The following CELSR3 variants were observed in gnomAD, a reference collection of about 807,000 sequenced individuals.
CELSR3 encodes the protein cadherin EGF LAG seven-pass G-type receptor 3.
A neutral mutation model predicts 270.0 loss-of-function variants in CELSR3; 73 were observed. The observed-to-expected ratio is 0.27, with a 90% CI of 0.22 to 0.33. The LOEUF (loss-of-function observed/expected upper bound fraction) is 0.33, where lower values mean the gene tolerates loss of function less well. Ranked by LOEUF, CELSR3 falls within the 10% of genes least tolerant of loss-of-function variation. The pLI is 1.00. For synonymous variants in CELSR3, 1,780 were observed against 1,905.4 expected (o/e 0.93, Z 1.71); for missense variants, 3,614 against 4,533.8 (o/e 0.80, Z 5.83).
chr3:48,661,593 C>T lies in CELSR3; in HGVS notation c.1042G>A (p.Val348Ile). The change falls in exon 1 of 35, where the codon GTT (valine) becomes ATT (isoleucine). Residue 348 changes from valine to isoleucine, a missense_variant. Val to Ile is a conservative substitution (Grantham distance 29). This residue lies in a region of CELSR3 where 354 missense variants were observed against 500.9 expected (regional missense o/e 0.71). Coordinates refer to ENST00000164024, the MANE Select transcript of CELSR3 (RefSeq NM_001407.3). ...TCGCCGGCGTCCGGGTCCTGAGCAA[C>T]CACGCGTAGCACCGCGGTGCCTGCT... Reference protein sequence around the residue: ...EAAGTAVLRVVAQDPDAGEAG... With the variant: ...EAAGTAVLRVIAQDPDAGEAG... 1 of 1,609,890 alleles carries T rather than the reference C, an allele frequency of 6.2e-7. No individual in the cohort carries two copies. Among genetic ancestry groups the T allele is most frequent in the Non-Finnish European group, 8.5e-7 (1 of 1,179,054 alleles).
chr3:48,648,416 C>T lies in CELSR3; in HGVS notation c.6823G>A (p.Asp2275Asn), dbSNP rs1399505706. The stretch of plus-strand genomic sequence containing the variant: ...CGCTGCCCCAGCGCCGCCCACAAGT[C>T]CCCTGTCTCTGGGGCAAGCAGTGCA... ...GSALLAPETG[D>N]LWAALGQRAP... Residue 2275 changes from aspartate (D) to asparagine (N), a missense_variant, in exon 19 of 35, where the codon GAC becomes AAC. Coordinates refer to ENST00000164024, the MANE Select transcript of CELSR3 (RefSeq NM_001407.3). The T allele has an allele frequency of 6.2e-7, 1 of 1,603,980 alleles. No homozygotes were observed. Among genetic ancestry groups the T allele is most frequent in the Non-Finnish European group, 8.5e-7 (1 of 1,176,392 alleles).
chr3:48,656,576 G>T, intron 2 of CELSR3, 122 bp downstream of exon 2: 2 of 1,323,870 alleles, frequency 1.5e-6, no homozygotes, highest in Non-Finnish European at 2.0e-6. Context: ...ACGGCTTCTG[G>T]CCTAAGCGCG....
chr3:48,651,223 G>A lies in CELSR3; in HGVS notation c.6186+136C>T. On this transcript the variant is annotated intron_variant, in intron 14 of 34. Coordinates refer to ENST00000164024, the MANE Select transcript of CELSR3 (RefSeq NM_001407.3). The surrounding 1 kb of genome is among the most constrained non-coding windows in gnomAD (Gnocchi z 7.4). ...AGCCAAGGGAGGGGTCACGGGTAAA[G>A]GATGAGAGACAGCAACTTGGTCACA... 1 of 1,490,168 alleles carries A rather than the reference G, an allele frequency of 6.7e-7. No homozygotes were observed. The highest frequency in any genetic ancestry group is 9.2e-7 in the Non-Finnish European group (1 of 1,087,796). 92.3% of individuals were successfully genotyped at this position (1,490,168 alleles called of 1,614,324 possible).
chr3:48,648,393 C>T lies in CELSR3; in HGVS notation c.6846G>A (p.Gln2282=). 6.2e-7 allele frequency: 1 copy of T among 1,610,046 alleles called. No homozygotes were observed. The highest frequency in any genetic ancestry group is 8.5e-7 in the Non-Finnish European group (1 of 1,178,906). Residue 2282 remains glutamine, a synonymous_variant, in exon 19 of 35, where the codon CAG becomes CAA. Coordinates refer to ENST00000164024, the MANE Select transcript of CELSR3 (RefSeq NM_001407.3). ...ETGDLWAALG[Q]RAPGGSPGSA... is the part of the protein sequence containing the mutation. ...TGCCTGGGGAGCCCCCAGGGGCCCGCTGCCCCAGCGCCGCCCACAAGTCCC... is the reference window on the plus strand; with the variant it reads ...TGCCTGGGGAGCCCCCAGGGGCCCGTTGCCCCAGCGCCGCCCACAAGTCCC...
rs539050578 is a variant in CELSR3 at position 48,645,546 on chromosome 3, C to T, written c.7694G>A (p.Arg2565His). The change falls in exon 24 of 35, where the codon CGC becomes CAC. Residue 2565 changes from arginine to histidine, a missense_variant. Physicochemically the swap from Arg to His is conservative, Grantham distance 29. Transcript: ENST00000164024. The surrounding 1 kb of genome is among the most constrained non-coding windows in gnomAD (Gnocchi z 5.4). ...VLTAAILLSLRSLKSNVRGIH... is the reference protein window; with the variant it reads ...VLTAAILLSLHSLKSNVRGIH... The stretch of plus-strand genomic sequence containing the variant: ...CCCACGCACATTGGACTTGAGGCTG[C>T]GCAGGCTCAGCAGGATGGCTGCAGT... 3.8e-5 allele frequency: 61 copies of T among 1,612,676 alleles called. No homozygotes were observed. Among genetic ancestry groups the T allele is most frequent in the East Asian group, 1.6e-4 (7 of 44,890 alleles).
At position 48,653,917 on chromosome 3, in the gene CELSR3, C is replaced by T. The variant is rs530808487; in HGVS notation, c.5239G>A (p.Asp1747Asn). Residue 1747 changes from aspartate (D) to asparagine (N), a missense_variant, in exon 8 of 35, where the codon GAC becomes AAC. By Grantham distance (23) the Asp-to-Asn change is conservative. Around this residue, in one of 7 missense-constraint regions of CELSR3, gnomAD observed 1,331 missense variants for 1,933.7 expected, o/e 0.69. Coordinates refer to ENST00000164024, the MANE Select transcript of CELSR3 (RefSeq NM_001407.3). The surrounding 1 kb of genome is among the most constrained non-coding windows in gnomAD (Gnocchi z 6.5). ...CSERWGSFSC[D>N]CPVGFGGKDC... ...TTGCCGCCGAAGCCCACAGGGCAGT[C>T]GCAGCTGAAGCTGCCCCAGCGCTCC... is the stretch of plus-strand genomic sequence containing the variant. 22 of 1,613,628 alleles carry T rather than the reference C, an allele frequency of 1.4e-5. No homozygotes were observed. The highest frequency in any genetic ancestry group is 9.3e-5 in the African/African-American group (7 of 75,062).
Position 48,654,014 on chromosome 3 carries a change from A to T in CELSR3, c.5153-11T>A. 6.2e-7 allele frequency: 1 copy of T among 1,611,690 alleles called. No individual in the cohort carries two copies. Among genetic ancestry groups the T allele is most frequent in the South Asian group, 1.1e-5 (1 of 91,030 alleles). On this transcript the variant is annotated splice_polypyrimidine_tract_variant and intron_variant, in intron 7 of 34. Coordinates refer to ENST00000164024, the MANE Select transcript of CELSR3 (RefSeq NM_001407.3). The surrounding 1 kb of genome is among the most constrained non-coding windows in gnomAD (Gnocchi z 5.4). ...GCTTGGCTTGGCAGCCTGGGAGAGG[A>T]AAGCACATGGCGGACATGAGAACAA...
At position 48,641,130 on chromosome 3, in the gene CELSR3, AG is replaced by A. The variant is rs1221641586; in HGVS notation, c.9025+193del. The A allele has an allele frequency of 6.4e-5, 38 of 589,346 alleles. No individual in the cohort carries two copies. Among genetic ancestry groups the A allele is most frequent in the Middle Eastern group, 4.5e-4 (1 of 2,224 alleles). 36.5% of individuals were successfully genotyped at this position (589,346 alleles called of 1,614,324 possible). On this transcript the variant is annotated intron_variant, in intron 33 of 34. Coordinates refer to ENST00000164024, the MANE Select transcript of CELSR3 (RefSeq NM_001407.3). The surrounding 1 kb of genome is among the most constrained non-coding windows in gnomAD (Gnocchi z 4.8). ...CCCCCTGTGGTGCTGGCCAGGGTAGAGGGGGACAGAGAATTCCCAGGTCAGG... is the reference window on the plus strand; with the variant it reads ...CCCCCTGTGGTGCTGGCCAGGGTAGAGGGGACAGAGAATTCCCAGGTCAGG...
In CELSR3 at chr3:48,639,862, T is replaced by G. The variant is rs771916490; in HGVS notation, c.9723A>C (p.Glu3241Asp). 35 of 1,613,542 alleles carry G rather than the reference T, an allele frequency of 2.2e-5. No individual in the cohort carries two copies. Among genetic ancestry groups the G allele is most frequent in the African/African-American group, 4.0e-5 (3 of 74,924 alleles). ...VSGPSHGPST[E>D]QLDILSSILA... ...GGATGGAGGAAAGAATGTCCAACTG[T>G]TCTGTGGAGGGGCCATGGCTGGGGC... The change falls in exon 34 of 35, where the codon GAA becomes GAC. Residue 3241 changes from glutamate (E) to aspartate (D), a missense_variant. Coordinates refer to ENST00000164024, the MANE Select transcript of CELSR3 (RefSeq NM_001407.3). The surrounding 1 kb of genome is among the most constrained non-coding windows in gnomAD (Gnocchi z 4.1).
Position 48,655,056 on chromosome 3 carries a change from G to C in CELSR3, c.4976C>G (p.Thr1659Arg). The change falls in exon 6 of 35, where the codon ACA becomes AGA. Residue 1659 changes from threonine to arginine, a missense_variant. Physicochemically the swap from Thr to Arg is moderately conservative, Grantham distance 71. Coordinates refer to ENST00000164024, the MANE Select transcript of CELSR3 (RefSeq NM_001407.3). The surrounding 1 kb of genome is among the most constrained non-coding windows in gnomAD (Gnocchi z 5.8). ...GCAGGGGCCTCACTTCTTGGAGCTT[G>C]TTTGCACACCAGCAGCCGCGCATGA... ...NYSCAAAGVQ[T>R]SSKKSLDLTG... 6.2e-7 allele frequency: 1 copy of C among 1,613,852 alleles called. No individual in the cohort carries two copies. The highest frequency in any genetic ancestry group is 8.5e-7 in the Non-Finnish European group (1 of 1,179,890).
chr3:48,655,323 G>C lies in CELSR3; in HGVS notation c.4813C>G (p.Leu1605Val). 3 of 1,614,144 alleles carry C rather than the reference G, an allele frequency of 1.9e-6. No homozygotes were observed. The highest frequency in any genetic ancestry group is 1.7e-6 in the Non-Finnish European group (2 of 1,180,004). Residue 1605 changes from leucine (L) to valine (V), a missense_variant, in exon 5 of 35, where the codon CTG becomes GTG. Leu to Val is a conservative substitution (Grantham distance 32). Coordinates refer to ENST00000164024, the MANE Select transcript of CELSR3 (RefSeq NM_001407.3). The surrounding 1 kb of genome is among the most constrained non-coding windows in gnomAD (Gnocchi z 5.8). ...LSDGQWHTVH[L>V]RYYNKPRTDA... is the part of the protein sequence containing the mutation. ...GCCCCCACCTTGTTGTAGTATCTCA[G>C]ATGCACTGTATGCCATTGCCCGTCA...
chr3:48,647,874 G>C lies in CELSR3; in HGVS notation c.7096C>G (p.Pro2366Ala), dbSNP rs1257959514. 4 of 1,611,166 alleles carry C rather than the reference G, an allele frequency of 2.5e-6. No individual in the cohort carries two copies. Among genetic ancestry groups the C allele is most frequent in the Non-Finnish European group, 2.5e-6 (3 of 1,179,590 alleles). ...GGGGATGGCCGTGGGGACTGGGAAGGCAGCAGCACATGGGTGTGAGGATCC... is the reference window on the plus strand; with the variant it reads ...GGGGATGGCCGTGGGGACTGGGAAGCCAGCAGCACATGGGTGTGAGGATCC... Reference protein sequence around the residue: ...AWDPHTHVLLPSQSPRPSPSE... With the variant: ...AWDPHTHVLLASQSPRPSPSE... Residue 2366 changes from proline (P) to alanine (A), a missense_variant, in exon 20 of 35, where the codon CCT becomes GCT. By Grantham distance (27) the Pro-to-Ala change is conservative (BLOSUM62 -1). Coordinates refer to ENST00000164024, the MANE Select transcript of CELSR3 (RefSeq NM_001407.3).
Position 48,650,882 on chromosome 3 carries a change from G to C in CELSR3, c.6370+10C>G. On this transcript the variant is annotated intron_variant, in intron 15 of 34. Transcript: ENST00000164024. This position sits in a 1 kb window ranked among gnomAD's most constrained non-coding sequence, Gnocchi z 5.1. ...CCCTCTATGGGTGGAGCTGGGTGGAGCCTGCTCACCCCGGCAGCCGCTGGC... is the reference window on the plus strand; with the variant it reads ...CCCTCTATGGGTGGAGCTGGGTGGACCCTGCTCACCCCGGCAGCCGCTGGC... The C allele has an allele frequency of 1.2e-6, 2 of 1,609,070 alleles. No individual in the cohort carries two copies. Among genetic ancestry groups the C allele is most frequent in the Non-Finnish European group, 1.7e-6 (2 of 1,179,036 alleles).
Position 48,655,118 on chromosome 3 carries a change from G to C in CELSR3, c.4914C>G (p.Ala1638=). 6.2e-7 allele frequency: 1 copy of C among 1,613,922 alleles called. No individual in the cohort carries two copies. Among genetic ancestry groups the C allele is most frequent in the Non-Finnish European group, 8.5e-7 (1 of 1,179,932 alleles). The part of the protein sequence containing the change: ...AVLSVDDCDV[A]VALQFGAEIG... ...TCTCAGCACCAAACTGCAGAGCCAC[G>C]GCCACATCACAATCATCCACGCTTA... is the stretch of plus-strand genomic sequence containing the variant. Residue 1638 remains alanine, a synonymous_variant, in exon 6 of 35, where the codon GCC becomes GCG. Coordinates refer to ENST00000164024, the MANE Select transcript of CELSR3 (RefSeq NM_001407.3). The surrounding 1 kb of genome is among the most constrained non-coding windows in gnomAD (Gnocchi z 5.8).
Position 48,651,194 on chromosome 3 carries a change from G to A in CELSR3, c.6187-119C>T, listed in dbSNP as rs1171412321. On this transcript the variant is annotated intron_variant, in intron 14 of 34. Coordinates refer to ENST00000164024, the MANE Select transcript of CELSR3 (RefSeq NM_001407.3). The surrounding 1 kb of genome is among the most constrained non-coding windows in gnomAD (Gnocchi z 7.4). ...GGGCCAGAGGACACCTGGGTCATGCGTGAAGCCAAGGGAGGGGTCACGGGT... is the reference window on the plus strand; with the variant it reads ...GGGCCAGAGGACACCTGGGTCATGCATGAAGCCAAGGGAGGGGTCACGGGT... 4.2e-6 allele frequency: 6 copies of A among 1,438,764 alleles called. No individual in the cohort carries two copies. The highest frequency in any genetic ancestry group is 1.3e-5 in the South Asian group (1 of 77,482). 89.1% of individuals were successfully genotyped at this position (1,438,764 alleles called of 1,614,324 possible).
Position 48,658,856 on chromosome 3 carries a change from C to G in CELSR3, c.3748+31G>C, listed in dbSNP as rs775057689. On this transcript the variant is annotated intron_variant, in intron 1 of 34. Coordinates refer to ENST00000164024, the MANE Select transcript of CELSR3 (RefSeq NM_001407.3). This position sits in a 1 kb window ranked among gnomAD's most constrained non-coding sequence, Gnocchi z 4.7. ...CCTGAGGCCCAACAGGTTGGTGTCA[C>G]TGGGTCACTTGCCTGCCCCCTGCCC... 2 of 1,601,268 alleles carry G rather than the reference C, an allele frequency of 1.2e-6. No individual in the cohort carries two copies. The highest frequency in any genetic ancestry group is 3.4e-5 in the Admixed American group (2 of 59,526).
Position 48,651,349 on chromosome 3 carries a change from C to A in CELSR3, c.6186+10G>T, listed in dbSNP as rs755182999. Reference sequence around the variant, plus strand: ...CAAGGAAGGGTTAAAAGGTCAGGGGCCAGGCGCACCTTGCAGTGACACTGC... The same window carrying A: ...CAAGGAAGGGTTAAAAGGTCAGGGGACAGGCGCACCTTGCAGTGACACTGC... On this transcript the variant is annotated intron_variant, in intron 14 of 34. Transcript: ENST00000164024. The surrounding 1 kb of genome is among the most constrained non-coding windows in gnomAD (Gnocchi z 7.4). 429 of 1,613,842 alleles carry A rather than the reference C, an allele frequency of 2.7e-4. 4 individuals are homozygous for A. In the South Asian group the frequency reaches 4.2e-3, roughly 16 times the overall value.
Position 48,637,482 on chromosome 3 carries a change from C to T in CELSR3, c.*723G>A, listed in dbSNP as rs1559473835. The T allele has an allele frequency of 6.6e-6, 1 of 152,660 alleles. No homozygotes were observed. Among genetic ancestry groups the T allele is most frequent in the Non-Finnish European group, 1.5e-5 (1 of 68,080 alleles). 9.5% of individuals were successfully genotyped at this position (152,660 alleles called of 1,614,324 possible). ...GTCTGACTAGAGGCCCGAGCCCCTC[C>T]CCGTGGGAGACAGGGAAGCCTTGCT... On this transcript the variant is annotated 3_prime_UTR_variant, in exon 35 of 35. Transcript: ENST00000164024.
At position 48,637,565 on chromosome 3, in the gene CELSR3, A is replaced by C. The variant is rs975663145; in HGVS notation, c.*640T>G. 6.5e-6 allele frequency: 1 copy of C among 153,558 alleles called. No individual in the cohort carries two copies. Among genetic ancestry groups the C allele is most frequent in the Non-Finnish European group, 1.5e-5 (1 of 68,772 alleles). 9.5% of individuals were successfully genotyped at this position (153,558 alleles called of 1,614,324 possible). A position where few individuals can be genotyped will look rare whatever the true frequency, so the allele number is the denominator to read the frequency against. On this transcript the variant is annotated 3_prime_UTR_variant, in exon 35 of 35. Coordinates refer to ENST00000164024, the MANE Select transcript of CELSR3 (RefSeq NM_001407.3). ...CCCCACAGCATCAGTCCTAGGTCATAAGGCAGTAAGTGGCAGGGACTCCAC... is the reference window on the plus strand; with the variant it reads ...CCCCACAGCATCAGTCCTAGGTCATCAGGCAGTAAGTGGCAGGGACTCCAC...
Sources: gnomAD v4.1 joint callset for allele counts on GRCh38, gnomAD v4.1.1 for gene constraint, gnomAD v4.1.1 regional missense constraint, Gnocchi (gnomAD v3.1) non-coding constraint, MANE v1.5 for transcripts, NCBI Gene and HGNC (gene_info 2026-07-23, HGNC 2026-07-21) for gene names.